NR3C2: variants seen among roughly 807,000 people sequenced by gnomAD.
NR3C2 encodes the protein nuclear receptor subfamily 3 group C member 2.
In NR3C2, 15 loss-of-function variants were observed where a neutral mutation model predicts 86.4. The ratio of observed to expected loss-of-function variants is 0.17; its 90% CI spans 0.12 to 0.27. The LOEUF (loss-of-function observed/expected upper bound fraction) is 0.27. NR3C2 is among the 10% of genes least tolerant of loss of function. The probability of loss-of-function intolerance (pLI) is 1.00; values close to 1 mark genes in which losing one functional copy is unlikely to be tolerated. For missense variants in NR3C2, 960 were observed against 1,195.6 expected (o/e 0.80, Z 2.91); for synonymous variants, 458 against 450.5 (o/e 1.02, Z -0.21).
At chr4:148,215,535 C>A (rs540258842) in intron 3 of NR3C2, among the ~76,000 whole-genome samples, 9 of 152,136 alleles carry the variant, frequency 5.9e-5, no homozygotes, top group African/African-American at 2.2e-4. Flanking sequence ...CAATGCCACA[C>A]GTGACCAAGG....
At chr4:148,200,409 G>A (rs564378083) in intron 3 of NR3C2, among the ~76,000 whole-genome samples, 4 of 150,090 alleles carry the variant, frequency 2.7e-5, no homozygotes, top group Admixed American at 2.0e-4. Flanking sequence ...ACAAGGAGTT[G>A]CATGAACTAG....
chr4:148,222,832 C>T (rs995486640), intron 3 of NR3C2, among the ~76,000 whole-genome samples: 4 of 151,974 alleles, frequency 2.6e-5, no homozygotes, highest in African/African-American at 9.7e-5. Flanking sequence ...GTGTGCCTAC[C>T]AGCTTTTTAG....
At chr4:148,309,210 C>T (rs1461780397) in intron 2 of NR3C2, among the ~76,000 whole-genome samples, 2 of 152,038 alleles carry the variant, frequency 1.3e-5, no homozygotes, top group Non-Finnish European at 2.9e-5. Context: ...ATGGACACCA[C>T]CATTTAGAAC....
At chr4:148,445,000 C>T (rs1021095752), upstream of NR3C2, 5 of 982,564 alleles carry the variant, frequency 5.1e-6, no homozygotes, top group African/African-American at 1.8e-5. Context: ...GGAGCCTGCG[C>T]CCCCCTCCCC....
At chr4:148,343,569 G>C (rs1411127230) in intron 2 of NR3C2, among the ~76,000 whole-genome samples, 2 of 152,038 alleles carry the variant, frequency 1.3e-5, no homozygotes, top group Non-Finnish European at 2.9e-5. Context: ...TTGAAGTGGG[G>C]TTGGAGGTTA....
intron 2 of NR3C2, among the ~76,000 whole-genome samples, chr4:148,360,465 C>T (rs918267356): frequency 2.6e-5 from 4 of 152,134 alleles, no homozygotes; most frequent in Non-Finnish European, 4.4e-5. Flanking sequence ...AAGGCTCTTA[C>T]GGTAAAGCTA....
intron 4 of NR3C2, among the ~76,000 whole-genome samples, chr4:148,175,218 T>C (rs955782782): frequency 6.6e-6 from 1 of 151,870 alleles, no homozygotes; most frequent in Admixed American, 6.6e-5. Flanking sequence ...AAAAAACCAA[T>C]GAAAGGACCT....
chr4:148,324,123 A>G (rs1448840039), intron 2 of NR3C2, among the ~76,000 whole-genome samples: 1 of 152,152 alleles, frequency 6.6e-6, no homozygotes, highest in African/African-American at 2.4e-5. Context: ...GATTAACCAG[A>G]GAAAACAGCA....
intron 6 of NR3C2, among the ~76,000 whole-genome samples, chr4:148,123,512 C>G (rs767568449): frequency 2.0e-5 from 3 of 152,164 alleles, no homozygotes; most frequent in Non-Finnish European, 2.9e-5. Context: ...TTCTTACACC[C>G]CCTCCCCTTT....
At chr4:148,088,623 CA>C (rs1730923436) in intron 8 of NR3C2, among the ~76,000 whole-genome samples, 1 of 150,792 alleles carries the variant, frequency 6.6e-6, no homozygotes, top group Admixed American at 6.6e-5. Flanking sequence ...AACAGAAAAC[CA>C]AACACTGCAT....
At chr4:148,333,944 T>C (rs1333519020) in intron 2 of NR3C2, among the ~76,000 whole-genome samples, 1 of 152,202 alleles carries the variant, frequency 6.6e-6, no homozygotes, top group Admixed American at 6.5e-5. Flanking sequence ...CTTTCAATTA[T>C]ACAAAATCTA....
At chr4:148,179,155 G>A (rs757256995) in intron 4 of NR3C2, among the ~76,000 whole-genome samples, 1 of 151,610 alleles carries the variant, frequency 6.6e-6, no homozygotes, top group Non-Finnish European at 1.5e-5. Flanking sequence ...GTTAGCAGTT[G>A]TGTATTACAG....
In NR3C2 at chr4:148,081,335, A is replaced by G. The variant is rs1730545585; in HGVS notation, c.*9T>C. On this transcript the variant is annotated 3_prime_UTR_variant, in exon 9 of 9. Coordinates refer to ENST00000358102, the MANE Select transcript of NR3C2 (RefSeq NM_000901.5). Reference sequence around the variant, plus strand: ...AACTTAAGGCAAAGTTCTTCTGGGCAGCGGGCAGTCACTTCCGGTGGAAGT... The same window carrying G: ...AACTTAAGGCAAAGTTCTTCTGGGCGGCGGGCAGTCACTTCCGGTGGAAGT... 1 of 1,614,098 alleles carries G rather than the reference A, an allele frequency of 6.2e-7. No individual in the cohort carries two copies. Among genetic ancestry groups the G allele is most frequent in the Non-Finnish European group, 8.5e-7 (1 of 1,180,046 alleles).
intron 2 of NR3C2, among the ~76,000 whole-genome samples, chr4:148,391,990 T>C (rs760510971): frequency 4.6e-5 from 7 of 151,900 alleles, no homozygotes; most frequent in Non-Finnish European, 8.8e-5. Flanking sequence ...AAAAACTTTA[T>C]GTATTTCAAG....
At chr4:148,119,653 G>A (rs1732423232) in intron 7 of NR3C2, among the ~76,000 whole-genome samples, 1 of 152,104 alleles carries the variant, frequency 6.6e-6, no homozygotes, top group East Asian at 1.9e-4. Flanking sequence ...GGGTATGGTG[G>A]TGCATGCCTG....
chr4:148,175,933 T>C (rs754956918), intron 4 of NR3C2, among the ~76,000 whole-genome samples: 17 of 152,234 alleles, frequency 1.1e-4, no homozygotes, highest in Non-Finnish European at 2.2e-4. Flanking sequence ...GAGCTAAGAC[T>C]GCACCACTGC....
chr4:148,299,897 G>A (rs758107834), intron 2 of NR3C2, among the ~76,000 whole-genome samples: 78 of 151,998 alleles, frequency 5.1e-4, no homozygotes, highest in African/African-American at 1.2e-3. Flanking sequence ...TTTAGAAGCC[G>A]TGTTACTAGA....
intron 2 of NR3C2, among the ~76,000 whole-genome samples, chr4:148,424,228 T>A (rs1749421751): frequency 6.6e-6 from 1 of 152,120 alleles, no homozygotes; most frequent in South Asian, 2.1e-4. Flanking sequence ...AAATGCCAAT[T>A]TAAACCACAA....
At chr4:148,321,758 G>T (rs1281876654) in intron 2 of NR3C2, among the ~76,000 whole-genome samples, 1 of 151,718 alleles carries the variant, frequency 6.6e-6, no homozygotes, top group Non-Finnish European at 1.5e-5. Flanking sequence ...CTTTTATTTT[G>T]AGCCTATGTG....
Sources: gnomAD v4.1 joint callset for allele counts (sites outside exome capture counted in the v4.1 genomes callset) on GRCh38, gnomAD v4.1.1 for gene constraint, MANE v1.5 for transcripts, NCBI Gene and HGNC (gene_info 2026-07-23, HGNC 2026-07-21) for gene names.